The following BATF2 variants were observed in gnomAD, a reference collection of about 807,000 sequenced individuals.
The protein encoded by BATF2 is basic leucine zipper transcriptional factor ATF-like 2.
Under a neutral mutation model 7.3 loss-of-function variants are expected in BATF2, and 4 were observed. The observed-to-expected ratio is 0.55, with a 90% CI of 0.27 to 1.26. The LOEUF is 1.26. Among genes scored for constraint, BATF2 ranks in the 50% most tolerant of loss-of-function variants. The probability of loss-of-function intolerance (pLI) is 0.11; values close to 1 mark genes in which losing one functional copy is unlikely to be tolerated. For synonymous variants in BATF2, 152 were observed against 153.9 expected (o/e 0.99, Z 0.09); for missense variants, 295 against 340.5 (o/e 0.87, Z 1.05).
chr11:64,996,694 C>T (rs915503653), intron 1 of BATF2, among the ~76,000 whole-genome samples, 182 bp downstream of exon 1: 4 of 152,258 alleles, frequency 2.6e-5, no homozygotes, highest in African/African-American at 9.6e-5. Flanking sequence ...TCATTCCAAT[C>T]CAATCCCGAC....
intron 2 of BATF2, among the ~76,000 whole-genome samples, chr11:64,992,698 A>C (rs1946086089): frequency 6.6e-6 from 1 of 150,396 alleles, no homozygotes. Flanking sequence ...CTGTCTCTAC[A>C]AAAAATACAA....
chr11:64,993,012 A>G (rs2136879162), intron 2 of BATF2, among the ~76,000 whole-genome samples: 1 of 152,180 alleles, frequency 6.6e-6, no homozygotes, highest in South Asian at 2.1e-4. Context: ...AATAAAGAAT[A>G]TGAAGAAATA....
At chr11:64,993,297 T>A (rs1049126124) in intron 2 of BATF2, among the ~76,000 whole-genome samples, 7 of 152,100 alleles carry the variant, frequency 4.6e-5, no homozygotes, top group Admixed American at 4.6e-4. Context: ...GAGGTAGAGG[T>A]TGTAGTGAGC....
intron 2 of BATF2, among the ~76,000 whole-genome samples, chr11:64,991,517 T>G (rs1946077452): frequency 6.6e-6 from 1 of 152,186 alleles, no homozygotes; most frequent in Non-Finnish European, 1.5e-5. Context: ...CTCCAAAGGC[T>G]TCAACTCACC....
chr11:64,996,243 G>A (rs896142595), intron 1 of BATF2, among the ~76,000 whole-genome samples: 4 of 149,940 alleles, frequency 2.7e-5, no homozygotes, highest in Non-Finnish European at 5.9e-5. Context: ...TTACAGGTGT[G>A]AGCCACTGAG....
Position 64,989,866 on chromosome 11 carries a change from C to T in BATF2, c.142-54G>A, listed in dbSNP as rs753349273. ...GAACCTCAGCCAGTGTCAGGGGCCC[C>T]GCATGAGCCTTAGCCCCTTCCAGGG... On this transcript the variant is annotated intron_variant, in intron 2 of 2. Transcript: ENST00000301887. The surrounding 1 kb of genome is among the most constrained non-coding windows in gnomAD (Gnocchi z 4.3). 5.7e-6 allele frequency: 9 copies of T among 1,590,400 alleles called. No homozygotes were observed. The Admixed American group carries it at 6.9e-5, about 12-fold the overall frequency.
In BATF2 at chr11:64,989,046, C is replaced by T. The variant is rs1165059882; in HGVS notation, c.*83G>A. The T allele has an allele frequency of 2.0e-6, 3 of 1,492,220 alleles. No homozygotes were observed. The Admixed American group carries it at 5.0e-5, about 25-fold the overall frequency. The allele number at this position is 1,492,220 out of a possible 1,614,324, so 92.4% of individuals were successfully genotyped here. A position where few individuals can be genotyped will look rare whatever the true frequency, so the allele number is the denominator to read the frequency against. On this transcript the variant is annotated 3_prime_UTR_variant, in exon 3 of 3. Coordinates refer to ENST00000301887, the MANE Select transcript of BATF2 (RefSeq NM_138456.4). The surrounding 1 kb of genome is among the most constrained non-coding windows in gnomAD (Gnocchi z 4.3). Reference sequence around the variant, plus strand: ...GCTGGTCAGCCACGCAGGGCAGCACCCAGTAGTGAGGGAGGAGAGGCCCGT... The same window carrying T: ...GCTGGTCAGCCACGCAGGGCAGCACTCAGTAGTGAGGGAGGAGAGGCCCGT...
chr11:64,994,593 T>C (rs1358762691), intron 1 of BATF2, 44 bp from the exon 2 acceptor site: 1 of 1,536,954 alleles, frequency 6.5e-7, no homozygotes, highest in South Asian at 1.2e-5. Flanking sequence ...CAGCCAGGCC[T>C]TGTGCCCTCC....
At chr11:64,991,729 G>C (rs1038291681) in intron 2 of BATF2, among the ~76,000 whole-genome samples, 8 of 152,162 alleles carry the variant, frequency 5.3e-5, no homozygotes, top group African/African-American at 1.7e-4. Context: ...TATGAGCCCT[G>C]TGGGTGGGGC....
At chr11:64,993,017 G>A in intron 2 of BATF2, among the ~76,000 whole-genome samples, 1 of 151,360 alleles carries the variant, frequency 6.6e-6, no homozygotes, top group East Asian at 1.9e-4. Context: ...AGAATATGAA[G>A]AAATAAAAAA....
intron 1 of BATF2, among the ~76,000 whole-genome samples, chr11:64,995,310 G>A (rs1231173189): frequency 6.6e-6 from 1 of 152,208 alleles, no homozygotes; most frequent in East Asian, 1.9e-4. Context: ...ACACCAAGGT[G>A]TGAACTTTCC....
chr11:64,995,651 G>A (rs1946104612), intron 1 of BATF2, among the ~76,000 whole-genome samples: 1 of 152,218 alleles, frequency 6.6e-6, no homozygotes, highest in Admixed American at 6.5e-5. Context: ...CAAAGTCAGA[G>A]CAAGAGGGAC....
intron 2 of BATF2, among the ~76,000 whole-genome samples, chr11:64,991,302 A>C (rs974964853): frequency 6.6e-6 from 1 of 151,582 alleles, no homozygotes; most frequent in African/African-American, 2.4e-5. Context: ...GACTACAGGT[A>C]TGCACAACCA....
In BATF2 at chr11:64,989,280, T is replaced by C; in HGVS notation, c.674A>G (p.Asn225Ser). The C allele has an allele frequency of 6.3e-7, 1 of 1,599,292 alleles. No homozygotes were observed. Among genetic ancestry groups the C allele is most frequent in the Non-Finnish European group, 8.5e-7 (1 of 1,171,896 alleles). ...TGCAAGCCCCAGGGCAGAGGAAGGG[T>C]TGTCGGGAGAGGACCCCAGCTTCCC... ...TRGKLGSSPD[N>S]PSSALGLARL... The change falls in exon 3 of 3, where the codon AAC becomes AGC. Residue 225 changes from asparagine (N) to serine (S), a missense_variant. Asn to Ser is a conservative substitution (Grantham distance 46). Transcript: ENST00000301887. This position sits in a 1 kb window ranked among gnomAD's most constrained non-coding sequence, Gnocchi z 4.3.
chr11:64,992,281 G>C (rs1946082885), intron 2 of BATF2, among the ~76,000 whole-genome samples: 1 of 151,930 alleles, frequency 6.6e-6, no homozygotes, highest in Non-Finnish European at 1.5e-5. Context: ...GGCCAGGCTG[G>C]TCTCGAACTC....
chr11:64,989,240 C>T lies in BATF2; in HGVS notation c.714G>A (p.Arg238=). 1.9e-6 allele frequency: 3 copies of T among 1,613,496 alleles called. No individual in the cohort carries two copies. The highest frequency in any genetic ancestry group is 2.5e-6 in the Non-Finnish European group (3 of 1,179,698). ...SALGLARLQS[R]EHKPALSAAT... ...CTGCTGAGAGAGCAGGTTTGTGCTC[C>T]CTGCTCTGCAGACGTGCAAGCCCCA... Residue 238 remains arginine (R), a synonymous_variant, in exon 3 of 3, where the codon AGG becomes AGA. Coordinates refer to ENST00000301887, the MANE Select transcript of BATF2 (RefSeq NM_138456.4). The surrounding 1 kb of genome is among the most constrained non-coding windows in gnomAD (Gnocchi z 4.3).
intron 2 of BATF2, chr11:64,990,413 T>G (rs1946066842): frequency 7.3e-7 from 1 of 1,371,456 alleles, no homozygotes; most frequent in Non-Finnish European, 9.4e-7. Flanking sequence ...GATGTCATTC[T>G]GTCCTAGATT....
At chr11:64,990,936 G>T (rs1195783355) in intron 2 of BATF2, among the ~76,000 whole-genome samples, 2 of 146,356 alleles carry the variant, frequency 1.4e-5, no homozygotes, top group East Asian at 4.3e-4. Flanking sequence ...GACCACAGGC[G>T]CCCGCCACCA....
chr11:64,994,597 G>T, intron 1 of BATF2, 48 bp from the exon 2 acceptor site: 1 of 1,528,722 alleles, frequency 6.5e-7, no homozygotes. Flanking sequence ...CAGGCCTTGT[G>T]CCCTCCGTCC....
Sources: allele counts gnomAD v4.1 joint callset (sites outside exome capture counted in the v4.1 genomes callset), GRCh38; gene constraint gnomAD v4.1.1; non-coding constraint Gnocchi (gnomAD v3.1); transcripts MANE v1.5; gene names NCBI Gene and HGNC (gene_info 2026-07-23, HGNC 2026-07-21).